The following DYNC1I1 variants were observed in gnomAD, a reference collection of about 807,000 sequenced individuals.
The protein encoded by DYNC1I1 is cytoplasmic dynein 1 intermediate chain 1.
Under a neutral mutation model 86.6 loss-of-function variants are expected in DYNC1I1, and 43 were observed. That is an observed-to-expected ratio of 0.50 (90% CI 0.39 to 0.64). DYNC1I1 has a LOEUF of 0.64. Among genes scored for constraint, DYNC1I1 ranks in the 30% least tolerant of loss-of-function variants. The probability of loss-of-function intolerance (pLI) is 0.00; values close to 1 mark genes in which losing one functional copy is unlikely to be tolerated. For synonymous variants in DYNC1I1, 262 were observed against 283.7 expected, an observed-to-expected ratio of 0.92 and a Z score of 0.77; for missense variants, 604 against 788.8, an observed-to-expected ratio of 0.77 and a Z score of 2.81.
At chr7:95,858,921 TTATTA>T (rs958220650) in intron 5 of DYNC1I1, among the ~76,000 whole-genome samples, 8 of 146,870 alleles carry the variant, frequency 5.4e-5, no homozygotes, top group African/African-American at 9.9e-5. Context: ...AATAATATAT[TTATTA>T]TATTATATAT....
intron 10 of DYNC1I1, among the ~76,000 whole-genome samples, chr7:96,010,102 G>A (rs1405274211): frequency 5.9e-5 from 9 of 152,132 alleles, no homozygotes; most frequent in Non-Finnish European, 8.8e-5. Flanking sequence ...GCTAGGTACT[G>A]AAGCTACAAT....
intron 6 of DYNC1I1, among the ~76,000 whole-genome samples, chr7:95,976,912 C>T (rs1172422862): frequency 6.6e-6 from 1 of 152,134 alleles, no homozygotes; most frequent in East Asian, 1.9e-4. Context: ...ACTTGTTAGT[C>T]TCATTAAATT....
At chr7:96,045,932 G>T (rs1267094656) in intron 14 of DYNC1I1, among the ~76,000 whole-genome samples, 1 of 152,182 alleles carries the variant, frequency 6.6e-6, no homozygotes, top group Non-Finnish European at 1.5e-5. Context: ...ATTCAGAAGA[G>T]GATGCTAATC....
Position 95,980,850 on chromosome 7 carries a change from C to T in DYNC1I1, c.580+3249C>T, listed in dbSNP as rs140844633. ...TGGGAACCTAACATTTTTGTAAATACAAATCAACTCATAAACCTCACATTG... is the reference window on the plus strand; with the variant it reads ...TGGGAACCTAACATTTTTGTAAATATAAATCAACTCATAAACCTCACATTG... On this transcript the variant is annotated intron_variant, in intron 7 of 16. Transcript: ENST00000447467. Among the ~76,000 whole-genome samples the T allele has an allele frequency of 3.2e-3, 484 of 152,104 alleles. 11 individuals carry two copies. The highest frequency in any genetic ancestry group is 0.025 in the Admixed American group (381 of 15,274).
At chr7:95,866,010 T>C (rs2116147029) in intron 5 of DYNC1I1, among the ~76,000 whole-genome samples, 1 of 152,176 alleles carries the variant, frequency 6.6e-6, no homozygotes, top group Non-Finnish European at 1.5e-5. Context: ...GCAGGAAAGG[T>C]AGCACAGAGT....
At chr7:96,055,711 T>C (rs1789557486) in intron 14 of DYNC1I1, 1 of 152,098 alleles carries the variant, frequency 6.6e-6, no homozygotes, top group Non-Finnish European at 1.5e-5. Context: ...AATACATAGA[T>C]GTTGTAAAAG....
At chr7:95,862,703 G>C (rs1789918600) in intron 5 of DYNC1I1, among the ~76,000 whole-genome samples, 1 of 152,156 alleles carries the variant, frequency 6.6e-6, no homozygotes, top group East Asian at 1.9e-4. Context: ...TCCACTCCTA[G>C]ATATGTATTC....
At chr7:95,777,483 G>T (rs1793872852) in intron 1 of DYNC1I1, among the ~76,000 whole-genome samples, 1 of 152,188 alleles carries the variant, frequency 6.6e-6, no homozygotes, top group African/African-American at 2.4e-5. Context: ...CCTGGGAGGG[G>T]CACTACTTAC....
In DYNC1I1 at chr7:96,039,416, A is replaced by G. The variant is rs1388912172; in HGVS notation, c.1504A>G (p.Thr502Ala). The part of the protein sequence containing the change: ...SFDWTVKLWT[T>A]KHNKPLYSFE... The stretch of plus-strand genomic sequence containing the variant: ...TGACTGGACTGTCAAACTGTGGACC[A>G]CCAAGGTAAGAATATCTTGACTGAA... Residue 502 changes from threonine to alanine, a missense_variant, in exon 14 of 17, where the codon ACC becomes GCC. Thr to Ala is a moderately conservative substitution (Grantham distance 58). Coordinates refer to ENST00000447467, the MANE Select transcript of DYNC1I1 (RefSeq NM_001135556.2). 4 of 1,613,896 alleles carry G rather than the reference A, an allele frequency of 2.5e-6. No individual in the cohort carries two copies. The highest frequency in any genetic ancestry group is 3.4e-6 in the Non-Finnish European group (4 of 1,179,932).
intron 3 of DYNC1I1, among the ~76,000 whole-genome samples, chr7:95,812,018 A>AG (rs1188199375): frequency 6.6e-6 from 1 of 152,152 alleles, no homozygotes; most frequent in African/African-American, 2.4e-5. Context: ...ATTACTGCCA[A>AG]CGGACTCTGG....
chr7:95,933,686 C>T (rs541878400), intron 6 of DYNC1I1, among the ~76,000 whole-genome samples: 3 of 152,252 alleles, frequency 2.0e-5, no homozygotes, highest in Admixed American at 2.0e-4. Flanking sequence ...TGACATGACA[C>T]TGCACTGAAG....
At chr7:95,849,322 T>C (rs1376979349) in intron 5 of DYNC1I1, among the ~76,000 whole-genome samples, 1 of 152,158 alleles carries the variant, frequency 6.6e-6, no homozygotes, top group East Asian at 1.9e-4. Context: ...GGAGCTTTCT[T>C]GTTAGGTTTT....
chr7:95,963,879 A>G (rs1792937269), intron 6 of DYNC1I1, among the ~76,000 whole-genome samples: 2 of 152,210 alleles, frequency 1.3e-5, no homozygotes, highest in Non-Finnish European at 2.9e-5. Flanking sequence ...CACAACTGAG[A>G]GTTGTACTTA....
At position 96,032,651 on chromosome 7, in the gene DYNC1I1, G is replaced by A; in HGVS notation, c.1117-16G>A. On this transcript the variant is annotated splice_polypyrimidine_tract_variant and intron_variant, in intron 11 of 16. Coordinates refer to ENST00000447467, the MANE Select transcript of DYNC1I1 (RefSeq NM_001135556.2). ...CTTGGATCTGTCTCTGATCCTCTTT[G>A]TTTATGTTTTTGCAGCATCCCGTGT... The A allele has an allele frequency of 6.3e-7, 1 of 1,593,184 alleles. No homozygotes were observed. Among genetic ancestry groups the A allele is most frequent in the Non-Finnish European group, 8.6e-7 (1 of 1,162,530 alleles).
At chr7:96,053,083 C>G (rs918620380) in intron 14 of DYNC1I1, among the ~76,000 whole-genome samples, 1 of 152,204 alleles carries the variant, frequency 6.6e-6, no homozygotes, top group Non-Finnish European at 1.5e-5. Context: ...AATGCACACT[C>G]TCACAATTCC....
intron 6 of DYNC1I1, among the ~76,000 whole-genome samples, chr7:95,899,930 A>C (rs1282093376): frequency 1.3e-5 from 2 of 152,188 alleles, no homozygotes; most frequent in Non-Finnish European, 1.5e-5. Flanking sequence ...CTCTGATTTT[A>C]GAGCAGCTTG....
At chr7:95,829,058 A>G (rs935230700) in intron 5 of DYNC1I1, among the ~76,000 whole-genome samples, 11 of 152,208 alleles carry the variant, frequency 7.2e-5, no homozygotes, top group African/African-American at 2.4e-4. Flanking sequence ...AGCAAGTTTC[A>G]TAACCACATT....
chr7:95,869,230 A>T (rs1379547785), intron 5 of DYNC1I1, among the ~76,000 whole-genome samples: 1 of 152,178 alleles, frequency 6.6e-6, no homozygotes, highest in Admixed American at 6.5e-5. Context: ...CTACATAAAT[A>T]TTCAGAAATG....
chr7:95,804,981 T>G, intron 2 of DYNC1I1, 144 bp downstream of exon 2: 2 of 1,376,654 alleles, frequency 1.5e-6, no homozygotes, highest in South Asian at 1.9e-5. Context: ...TTCTGCATGG[T>G]AAAGTTGTTG....
Sources: allele counts gnomAD v4.1 joint callset (sites outside exome capture counted in the v4.1 genomes callset), GRCh38; gene constraint gnomAD v4.1.1; transcripts MANE v1.5; gene names NCBI Gene and HGNC (gene_info 2026-07-23, HGNC 2026-07-21).